The following HORMAD2 variants were observed in gnomAD, a reference collection of about 807,000 sequenced individuals.
HORMAD2 encodes HORMA domain-containing protein 2.
In HORMAD2, 45 loss-of-function variants were observed where a neutral mutation model predicts 38.8. The ratio of observed to expected loss-of-function variants is 1.16; its 90% CI spans 0.91 to 1.49. The LOEUF (loss-of-function observed/expected upper bound fraction) is 1.49. Ranked by LOEUF, HORMAD2 falls within the 40% of genes most tolerant of loss-of-function variation. HORMAD2 has a pLI of 0.00. For missense variants in HORMAD2, 338 were observed against 367.0 expected (o/e 0.92, Z 0.65); for synonymous variants, 126 against 122.8 (o/e 1.03, Z -0.17).
the HORMAD2 span, among the ~76,000 whole-genome samples, chr22:30,197,444 G>A: frequency 6.6e-6 from 1 of 152,104 alleles, no homozygotes; most frequent in South Asian, 2.1e-4. Context: ...CTCTGTTAGA[G>A]CAAATCTCTG....
chr22:30,078,600 T>C, upstream of HORMAD2, among the ~76,000 whole-genome samples: 2 of 52,332 alleles, frequency 3.8e-5, no homozygotes, highest in African/African-American at 1.0e-4. Flanking sequence ...AGCAAGACTC[T>C]GTCTCACAAA....
chr22:30,174,676 G>C (rs1319594577), intron 10 of HORMAD2, among the ~76,000 whole-genome samples: 1 of 152,154 alleles, frequency 6.6e-6, no homozygotes, highest in Non-Finnish European at 1.5e-5. Context: ...CTTCTTTCAT[G>C]TGTACCCAGA....
At chr22:30,100,115 C>A (rs140716180) in intron 3 of HORMAD2, among the ~76,000 whole-genome samples, 1 of 152,140 alleles carries the variant, frequency 6.6e-6, no homozygotes, top group African/African-American at 2.4e-5. Context: ...AAAAAGGAGC[C>A]CATATAGCCA....
chr22:30,086,951 C>T (rs5763759), intron 1 of HORMAD2, among the ~76,000 whole-genome samples: 13,446 of 152,156 alleles, frequency 0.088, 1,032 homozygotes, highest in South Asian at 0.23. Flanking sequence ...TGTGCCACTA[C>T]GCCCAGCTAA....
At chr22:30,141,364 A>G (rs1214088354) in intron 10 of HORMAD2, among the ~76,000 whole-genome samples, 1 of 151,854 alleles carries the variant, frequency 6.6e-6, no homozygotes, top group Non-Finnish European at 1.5e-5. Flanking sequence ...ATACTTTTTT[A>G]TTTAATTTTT....
the HORMAD2 span, among the ~76,000 whole-genome samples, chr22:30,202,512 C>G: frequency 2.0e-5 from 3 of 151,896 alleles, no homozygotes; most frequent in Admixed American, 6.6e-5. Context: ...AAAGTCAGCT[C>G]CTTCACACCA....
At chr22:30,168,333 C>G (rs1300880908) in intron 10 of HORMAD2, among the ~76,000 whole-genome samples, 1 of 152,144 alleles carries the variant, frequency 6.6e-6, no homozygotes, top group African/African-American at 2.4e-5. Context: ...TCCATTTTAC[C>G]TCATTCCTTC....
intron 5 of HORMAD2, chr22:30,104,641 T>C (rs2094853582): frequency 4.6e-6 from 2 of 437,182 alleles, no homozygotes; most frequent in Admixed American, 4.3e-5. Context: ...TTTTTTCTCT[T>C]TTACATACTC....
intron 10 of HORMAD2, among the ~76,000 whole-genome samples, chr22:30,158,010 T>C (rs1415023039): frequency 6.6e-6 from 1 of 152,124 alleles, no homozygotes; most frequent in Non-Finnish European, 1.5e-5. Context: ...TTAACACATA[T>C]GTAATATTCC....
At chr22:30,161,672 T>C (rs566099017) in intron 10 of HORMAD2, among the ~76,000 whole-genome samples, 1 of 152,184 alleles carries the variant, frequency 6.6e-6, no homozygotes, top group East Asian at 1.9e-4. Flanking sequence ...TATTTAATAA[T>C]ATTTTAGAAT....
At chr22:30,196,816 T>G in the HORMAD2 span, among the ~76,000 whole-genome samples, 1 of 152,264 alleles carries the variant, frequency 6.6e-6, no homozygotes, top group South Asian at 2.1e-4. Context: ...CATGTATAAA[T>G]CCCATAACAA....
chr22:30,129,026 G>A (rs926310323), intron 10 of HORMAD2, among the ~76,000 whole-genome samples: 4 of 151,874 alleles, frequency 2.6e-5, no homozygotes, highest in Admixed American at 2.6e-4. Context: ...CGTCCGTCCT[G>A]GCTAACACAG....
intron 10 of HORMAD2, among the ~76,000 whole-genome samples, chr22:30,156,423 A>G (rs932183969): frequency 6.6e-6 from 1 of 152,204 alleles, no homozygotes; most frequent in African/African-American, 2.4e-5. Flanking sequence ...CACCTAACCT[A>G]AATGAATGTA....
At chr22:30,168,906 A>G (rs776113100) in intron 10 of HORMAD2, among the ~76,000 whole-genome samples, 25 of 152,112 alleles carry the variant, frequency 1.6e-4, no homozygotes, top group Non-Finnish European at 2.9e-4. Flanking sequence ...AGGGCTCTCC[A>G]TTACAGACTC....
Position 30,098,911 on chromosome 22 carries a change from AC to A in HORMAD2, c.112del (p.Leu38PhefsTer9). On this transcript the variant is annotated frameshift_variant, in exon 3 of 11. Coordinates refer to ENST00000336726, the MANE Select transcript of HORMAD2 (RefSeq NM_152510.4). LOFTEE classifies it high-confidence loss of function. ...ATGAGTCATTGAAAATGGTGAAGAAACTTTTTGCTACTTCCATCTCATGTAT... is the reference window on the plus strand; with the variant it reads ...ATGAGTCATTGAAAATGGTGAAGAAATTTTTGCTACTTCCATCTCATGTAT... ...EHESLKMVKKLFATSISCITY... is the reference protein window; with the variant it reads ...EHESLKMVKKXFATSISCITY... 2 of 1,613,422 alleles carry A rather than the reference AC, an allele frequency of 1.2e-6. No individual in the cohort carries two copies. The highest frequency in any genetic ancestry group is 2.2e-5 in the South Asian group (2 of 91,064).
chr22:30,139,282 A>G (rs1923901015), intron 10 of HORMAD2, among the ~76,000 whole-genome samples: 1 of 140,440 alleles, frequency 7.1e-6, no homozygotes, highest in Non-Finnish European at 1.6e-5. Flanking sequence ...ATATATATAT[A>G]TATATCCTCT....
chr22:30,188,801 C>A, the HORMAD2 span, among the ~76,000 whole-genome samples: 1 of 152,066 alleles, frequency 6.6e-6, no homozygotes, highest in African/African-American at 2.4e-5. Flanking sequence ...GTCTTAGGTC[C>A]CCTTGTAACC....
the HORMAD2 span, among the ~76,000 whole-genome samples, chr22:30,187,643 C>G: frequency 1.3e-5 from 2 of 151,926 alleles, no homozygotes; most frequent in African/African-American, 4.8e-5. Context: ...GTGTTAAGTA[C>G]TGGCCCAGCT....
intron 10 of HORMAD2, among the ~76,000 whole-genome samples, chr22:30,132,810 T>C (rs1923378994): frequency 6.6e-6 from 1 of 152,178 alleles, no homozygotes; most frequent in South Asian, 2.1e-4. Flanking sequence ...TTCTTTCCTT[T>C]TGTGAGTAGG....
Sources: allele counts gnomAD v4.1 joint callset (sites outside exome capture counted in the v4.1 genomes callset), GRCh38; gene constraint gnomAD v4.1.1; transcripts MANE v1.5; gene names NCBI Gene and HGNC (gene_info 2026-07-23, HGNC 2026-07-21).